GRIK5: variants seen among roughly 807,000 people sequenced by gnomAD.
GRIK5 encodes the protein glutamate ionotropic receptor kainate type subunit 5, also known as glutamate receptor ionotropic, kainate 5.
GRIK5 carries 43 observed loss-of-function variants against 97.4 expected under a neutral mutation model. That is an observed-to-expected ratio of 0.44 (90% confidence interval 0.35 to 0.57). The LOEUF (loss-of-function observed/expected upper bound fraction) is 0.57. Among genes scored for constraint, GRIK5 ranks in the 20% least tolerant of loss-of-function variants. GRIK5 has a pLI of 0.01. For synonymous variants in GRIK5, 580 were observed against 583.5 expected (o/e 0.99, Z 0.09); for missense variants, 1,015 against 1,382.0 (o/e 0.73, Z 4.21).
Position 42,065,204 on chromosome 19 carries a change from C to G in GRIK5, c.244+19G>C. 1 of 1,597,734 alleles carries G rather than the reference C, an allele frequency of 6.3e-7. No individual in the cohort carries two copies. The highest frequency in any genetic ancestry group is 1.1e-5 in the South Asian group (1 of 89,804). ...CCGACCTGCCCTGCCTCACCCCACGCCCCCATGGCCCCGCTCACTGGTGTC... is the reference window on the plus strand; with the variant it reads ...CCGACCTGCCCTGCCTCACCCCACGGCCCCATGGCCCCGCTCACTGGTGTC... On this transcript the variant is annotated intron_variant, in intron 3 of 19. Transcript: ENST00000593562. The surrounding 1 kb of genome is among the most constrained non-coding windows in gnomAD (Gnocchi z 5.8).
chr19:42,006,658 ATGG>A lies in GRIK5; in HGVS notation c.2021_2023del (p.Thr674del). 1.2e-6 allele frequency: 2 copies of A among 1,613,858 alleles called. No individual in the cohort carries two copies. The highest frequency in any genetic ancestry group is 1.7e-6 in the Non-Finnish European group (2 of 1,179,896). On this transcript the variant is annotated inframe_deletion, in exon 16 of 20. Transcript: ENST00000593562. This position sits in a 1 kb window ranked among gnomAD's most constrained non-coding sequence, Gnocchi z 5.3. ...TGGTGGCCCCACCTGGAAGAAGGTC[ATGG>A]TGGAGCCGGCGTGGATGGTGCCATA...
intron 3 of GRIK5, chr19:42,063,347 C>G: frequency 2.2e-6 from 1 of 456,880 alleles, no homozygotes; most frequent in Non-Finnish European, 4.4e-6. Flanking sequence ...ACATGTGTGT[C>G]TCAAGACTGG....
chr19:42,024,872 C>T (rs1202459700), intron 12 of GRIK5, among the ~76,000 whole-genome samples: 2 of 152,206 alleles, frequency 1.3e-5, no homozygotes, highest in Non-Finnish European at 2.9e-5. Context: ...CATGGACCCC[C>T]ACTCCCTGGA....
chr19:42,061,038 C>CATTA (rs1040172603), intron 5 of GRIK5, among the ~76,000 whole-genome samples: 4 of 152,088 alleles, frequency 2.6e-5, no homozygotes, highest in African/African-American at 9.7e-5. Flanking sequence ...TAATAAATAC[C>CATTA]TTTATTTATT....
chr19:42,018,397 G>A (rs2075653996), intron 15 of GRIK5, among the ~76,000 whole-genome samples: 2 of 151,354 alleles, frequency 1.3e-5, no homozygotes, highest in South Asian at 2.1e-4. Context: ...GCTCACACCT[G>A]TAATCCCAGC....
intron 11 of GRIK5, among the ~76,000 whole-genome samples, chr19:42,044,400 A>G (rs1224350721): frequency 6.6e-6 from 1 of 152,220 alleles, no homozygotes; most frequent in Non-Finnish European, 1.5e-5. Flanking sequence ...TCTCTGACCT[A>G]CAGTCAGTTT....
In GRIK5 at chr19:42,065,647, C is replaced by G; in HGVS notation, c.79+45G>C. On this transcript the variant is annotated intron_variant, in intron 2 of 19. Transcript: ENST00000593562. This position sits in a 1 kb window ranked among gnomAD's most constrained non-coding sequence, Gnocchi z 5.8. ...TGGCATGCCTGGGTCCCCAGAGGAG[C>G]CCCAGGGCCTGAGGATGCAGGGGCA... 6.9e-7 allele frequency: 1 copy of G among 1,448,534 alleles called. No homozygotes were observed. Among genetic ancestry groups the G allele is most frequent in the Non-Finnish European group, 9.4e-7 (1 of 1,063,760 alleles). 89.7% of individuals were successfully genotyped at this position (1,448,534 alleles called of 1,614,324 possible).
chr19:42,038,153 C>G (rs2092391717), intron 12 of GRIK5, among the ~76,000 whole-genome samples: 1 of 152,158 alleles, frequency 6.6e-6, no homozygotes, highest in Admixed American at 6.5e-5. Context: ...GGAGGACAAG[C>G]TGGGGAGTGG....
chr19:42,003,350 C>T lies in GRIK5; in HGVS notation c.2496G>A (p.Arg832=). 1.2e-6 allele frequency: 2 copies of T among 1,605,200 alleles called. No homozygotes were observed. The highest frequency in any genetic ancestry group is 1.7e-6 in the Non-Finnish European group (2 of 1,172,514). Residue 832 remains arginine (R), a synonymous_variant, in exon 19 of 20, where the codon AGG becomes AGA. Transcript: ENST00000593562. This position sits in a 1 kb window ranked among gnomAD's most constrained non-coding sequence, Gnocchi z 4.2. ...TCCTCACCTCCTCGGACTCAGCTGACCTCCGTGTGGACCATATGAATTCCA... is the reference window on the plus strand; with the variant it reads ...TCCTCACCTCCTCGGACTCAGCTGATCTCCGTGTGGACCATATGAATTCCA... ...AVMEFIWSTR[R]SAESEEVSVC...
Position 42,065,902 on chromosome 19 carries a change from C to A in GRIK5, c.-50-82G>T. 1 of 701,726 alleles carries A rather than the reference C, an allele frequency of 1.4e-6. No individual in the cohort carries two copies. Among genetic ancestry groups the A allele is most frequent in the Non-Finnish European group, 2.5e-6 (1 of 404,426 alleles). The allele number at this position is 701,726 out of a possible 1,614,324, so 43.5% of individuals were successfully genotyped here. On this transcript the variant is annotated intron_variant, in intron 1 of 19. Coordinates refer to ENST00000593562, the MANE Select transcript of GRIK5 (RefSeq NM_002088.5). The surrounding 1 kb of genome is among the most constrained non-coding windows in gnomAD (Gnocchi z 5.8). ...TTGGAGGCCTGCTGGATGGGGTGGTCACAGAAGCCTTGGGGACATTGTTGG... is the reference window on the plus strand; with the variant it reads ...TTGGAGGCCTGCTGGATGGGGTGGTAACAGAAGCCTTGGGGACATTGTTGG...
rs188832474 is a variant in GRIK5, at chr19:42,020,101, C to T, written c.1871+1200G>A. Among the ~76,000 whole-genome samples, 19 of 151,372 alleles carry T rather than the reference C, an allele frequency of 1.3e-4. No homozygotes were observed. The East Asian group carries it at 3.7e-3, about 29-fold the overall frequency. On this transcript the variant is annotated intron_variant, in intron 15 of 19. Transcript: ENST00000593562. ...CATCCCAGGCTCAAACAATCCTCTA[C>T]AGGGTTATAATTTGAAATGATACCC...
At chr19:42,054,828 T>C (rs2076162164) in intron 8 of GRIK5, among the ~76,000 whole-genome samples, 1 of 152,208 alleles carries the variant, frequency 6.6e-6, no homozygotes, top group Non-Finnish European at 1.5e-5. Flanking sequence ...AGTCCCCGTC[T>C]GAGTGTGTCT....
At position 42,021,905 on chromosome 19, in the gene GRIK5, G is replaced by A. The variant is rs1312029282; in HGVS notation, c.1697+42C>T. On this transcript the variant is annotated intron_variant, in intron 14 of 19. Transcript: ENST00000593562. The surrounding 1 kb of genome is among the most constrained non-coding windows in gnomAD (Gnocchi z 4.2). ...GTCGGTCCCAGAGGCCTCGGCTCGT[G>A]CCTCCTCCAGCCCCTTCCTTCCCAG... 6.5e-6 allele frequency: 9 copies of A among 1,382,596 alleles called. No homozygotes were observed. Among genetic ancestry groups the A allele is most frequent in the Non-Finnish European group, 9.1e-6 (9 of 983,830 alleles). 85.6% of individuals were successfully genotyped at this position (1,382,596 alleles called of 1,614,324 possible). A position where few individuals can be genotyped will look rare whatever the true frequency, so the allele number is the denominator to read the frequency against.
At position 42,005,727 on chromosome 19, in the gene GRIK5, C is replaced by T. The variant is rs375040829; in HGVS notation, c.2259G>A (p.Pro753=). ...CCACACCGTGCTGTGCCGTACCCAG[C>T]GGCATGCCAATGCCGTAGCCCTTGG... The part of the protein sequence containing the change: ...LDTKGYGIGM[P]LGSPFRDEIT... The change falls in exon 17 of 20, where the codon CCG becomes CCA. Residue 753 remains proline, a synonymous_variant. Transcript: ENST00000593562. 12 of 1,607,682 alleles carry T rather than the reference C, an allele frequency of 7.5e-6. No individual in the cohort carries two copies. The Admixed American group carries it at 1.2e-4, about 16-fold the overall frequency.
chr19:42,048,159 C>A (rs989662908), intron 11 of GRIK5, among the ~76,000 whole-genome samples: 2 of 151,908 alleles, frequency 1.3e-5, no homozygotes, highest in Admixed American at 6.6e-5. Flanking sequence ...ATTCTAAAAT[C>A]ATTAACCATA....
chr19:42,035,737 C>T (rs2075895945), intron 12 of GRIK5, among the ~76,000 whole-genome samples: 1 of 151,974 alleles, frequency 6.6e-6, no homozygotes, highest in African/African-American at 2.4e-5. Flanking sequence ...TAAAGATGTA[C>T]CTGTATTAAT....
At chr19:42,039,206 G>A (rs1599802239) in intron 12 of GRIK5, among the ~76,000 whole-genome samples, 1 of 152,036 alleles carries the variant, frequency 6.6e-6, no homozygotes, top group East Asian at 1.9e-4. Flanking sequence ...GGGCATGGTG[G>A]CTCATGCCTG....
At chr19:42,032,578 G>A (rs534315560) in intron 12 of GRIK5, among the ~76,000 whole-genome samples, 4 of 152,262 alleles carry the variant, frequency 2.6e-5, no homozygotes, top group East Asian at 3.9e-4. Flanking sequence ...GCCATCAATA[G>A]GGGATATGGT....
At chr19:42,048,543 C>T (rs1488931936) in intron 11 of GRIK5, among the ~76,000 whole-genome samples, 1 of 152,042 alleles carries the variant, frequency 6.6e-6, no homozygotes, top group Non-Finnish European at 1.5e-5. Flanking sequence ...TGGCGTGAAC[C>T]GAGGAGGCAG....
Sources: gnomAD v4.1 joint callset for allele counts (sites outside exome capture counted in the v4.1 genomes callset) on GRCh38, gnomAD v4.1.1 for gene constraint, Gnocchi (gnomAD v3.1) non-coding constraint, MANE v1.5 for transcripts, NCBI Gene and HGNC (gene_info 2026-07-23, HGNC 2026-07-21) for gene names.